CLOCK: variants seen among roughly 807,000 people sequenced by gnomAD.
CLOCK encodes clock circadian regulator.
CLOCK carries 43 observed loss-of-function variants against 118.4 expected under a neutral mutation model. The observed-to-expected ratio is 0.36, with a 90% CI of 0.28 to 0.47. CLOCK has a LOEUF of 0.47. Ranked by LOEUF, CLOCK falls within the 20% of genes least tolerant of loss-of-function variation. The probability of loss-of-function intolerance (pLI) is 1.00; values close to 1 mark genes in which losing one functional copy is unlikely to be tolerated. For missense variants in CLOCK, 846 were observed against 999.9 expected (o/e 0.85, Z 2.08); for synonymous variants, 326 against 339.2 (o/e 0.96, Z 0.43).
At chr4:55,541,049 CTTAAAA>C (rs1244701068) in intron 1 of CLOCK, among the ~76,000 whole-genome samples, 2 of 152,132 alleles carry the variant, frequency 1.3e-5, no homozygotes, top group Non-Finnish European at 2.9e-5. Context: ...ACTTCTAAGA[CTTAAAA>C]TTAACAGAAT....
intron 2 of CLOCK, among the ~76,000 whole-genome samples, chr4:55,494,782 A>C (rs1446779463): frequency 6.6e-6 from 1 of 152,206 alleles, no homozygotes; most frequent in Non-Finnish European, 1.5e-5. Context: ...CCACAAGCCA[A>C]GGAATTCAGG....
intron 18 of CLOCK, 95 bp from the exon 19 acceptor site, chr4:55,444,880 G>T: frequency 7.8e-7 from 1 of 1,283,020 alleles, no homozygotes; most frequent in Non-Finnish European, 1.1e-6. Context: ...TAACATGAGT[G>T]AAGGATGATA....
intron 22 of CLOCK, among the ~76,000 whole-genome samples, chr4:55,436,476 CAGAA>C (rs1722884479): frequency 1.3e-5 from 2 of 152,264 alleles, no homozygotes; most frequent in African/African-American, 2.4e-5. Context: ...AAAATGTTAA[CAGAA>C]AGAAAGTGAA....
chr4:55,462,740 C>G (rs1390184902), intron 9 of CLOCK, among the ~76,000 whole-genome samples: 1 of 152,122 alleles, frequency 6.6e-6, no homozygotes, highest in East Asian at 1.9e-4. Context: ...GTCATATGAA[C>G]TTGGTTTTAA....
rs1009063323 is a variant in CLOCK, at chr4:55,432,372, C to T, written c.*3043G>A. 2 of 151,824 alleles carry T rather than the reference C, an allele frequency of 1.3e-5. No homozygotes were observed. Among genetic ancestry groups the T allele is most frequent in the East Asian group, 3.9e-4 (2 of 5,156 alleles). 9.4% of individuals were successfully genotyped at this position (151,824 alleles called of 1,614,324 possible). A position where few individuals can be genotyped will look rare whatever the true frequency, so the allele number is the denominator to read the frequency against. ...CTGCAAGTCCAAAGCACGGTAACTG[C>T]AGAGTAGCTAGCATTTTTCCTGAAA... is the stretch of plus-strand genomic sequence containing the variant. On this transcript the variant is annotated 3_prime_UTR_variant, in exon 23 of 23. Transcript: ENST00000513440.
chr4:55,479,676 C>T lies in CLOCK; in HGVS notation c.71G>A (p.Gly24Glu). Residue 24 changes from glycine (G) to glutamate (E), a missense_variant, in exon 5 of 23, where the codon GGG becomes GAG. Gly to Glu is a moderately conservative substitution (Grantham distance 98). Coordinates refer to ENST00000513440, the MANE Select transcript of CLOCK (RefSeq NM_004898.4). Reference protein sequence around the residue: ...VDRDDSSIFDGLVEEDDKDKA... With the variant: ...VDRDDSSIFDELVEEDDKDKA... Reference sequence around the variant, plus strand: ...GTCCTTGTCATCTTCTTCCACCAACCCATCAAAAATACTACTGTCATCTCT... The same window carrying T: ...GTCCTTGTCATCTTCTTCCACCAACTCATCAAAAATACTACTGTCATCTCT... 2 of 1,612,752 alleles carry T rather than the reference C, an allele frequency of 1.2e-6. No homozygotes were observed. Among genetic ancestry groups the T allele is most frequent in the East Asian group, 2.2e-5 (1 of 44,680 alleles).
intron 1 of CLOCK, among the ~76,000 whole-genome samples, chr4:55,541,950 CAAA>C (rs55793804): frequency 2.2e-5 from 3 of 136,984 alleles, no homozygotes; most frequent in Admixed American, 7.2e-5. Context: ...CTCCCCCCAC[CAAA>C]AAAAAAAAAA....
In CLOCK at chr4:55,432,323, C is replaced by T. The variant is rs868562606; in HGVS notation, c.*3092G>A. 2.1e-4 allele frequency: 32 copies of T among 152,022 alleles called. No individual in the cohort carries two copies. Among genetic ancestry groups the T allele is most frequent in the African/African-American group, 7.7e-4 (32 of 41,386 alleles). The allele number at this position is 152,022 out of a possible 1,614,324, so 9.4% of individuals were successfully genotyped here. Reference sequence around the variant, plus strand: ...TCTCACTTGCATTTGTTAAACAATACTGACTCTCCCAAAACTATGATAACT... The same window carrying T: ...TCTCACTTGCATTTGTTAAACAATATTGACTCTCCCAAAACTATGATAACT... On this transcript the variant is annotated 3_prime_UTR_variant, in exon 23 of 23. Coordinates refer to ENST00000513440, the MANE Select transcript of CLOCK (RefSeq NM_004898.4).
intron 1 of CLOCK, among the ~76,000 whole-genome samples, chr4:55,516,758 C>A (rs1729540813): frequency 6.6e-6 from 1 of 152,110 alleles, no homozygotes; most frequent in African/African-American, 2.4e-5. Context: ...TTCTTTATTC[C>A]TATTTTAGTC....
At chr4:55,522,781 G>A (rs964978420) in intron 1 of CLOCK, among the ~76,000 whole-genome samples, 1 of 151,958 alleles carries the variant, frequency 6.6e-6, no homozygotes, top group African/African-American at 2.4e-5. Flanking sequence ...ATACAAACAT[G>A]CACATGTACA....
chr4:55,453,233 A>G (rs959923668), intron 14 of CLOCK, 104 bp from the exon 15 acceptor site: 1 of 948,386 alleles, frequency 1.1e-6, no homozygotes, highest in Admixed American at 1.8e-5. Context: ...CTGTTCATCT[A>G]GACTATTTGC....
intron 21 of CLOCK, chr4:55,442,135 C>G (rs968581644): frequency 3.2e-6 from 1 of 311,788 alleles, no homozygotes; most frequent in Non-Finnish European, 6.0e-6. Context: ...AAGACAAAAG[C>G]TTCACAGTGA....
intron 1 of CLOCK, among the ~76,000 whole-genome samples, chr4:55,535,574 G>A (rs116492684): frequency 0.027 from 4,118 of 152,060 alleles, 195 homozygotes; most frequent in African/African-American, 0.094. Flanking sequence ...ATAATAATAG[G>A]AAATTGTCTG....
At position 55,442,452 on chromosome 4, in the gene CLOCK, G is replaced by T; in HGVS notation, c.2085C>A (p.Phe695Leu). Residue 695 changes from phenylalanine to leucine, a missense_variant, in exon 21 of 23, where the codon TTC becomes TTA. Phe to Leu is a conservative substitution (Grantham distance 22). This residue lies in a region of CLOCK where 520 missense variants were observed against 558.0 expected (regional missense o/e 0.93). Transcript: ENST00000513440. ...NSTQSAAVTT[F>L]TQDRQIRFSQ... Reference sequence around the variant, plus strand: ...ACTACCTTATCTGCCTGTCCTGAGTGAATGTAGTTACTGCAGCACTCTGGG... The same window carrying T: ...ACTACCTTATCTGCCTGTCCTGAGTTAATGTAGTTACTGCAGCACTCTGGG... 1 of 1,609,282 alleles carries T rather than the reference G, an allele frequency of 6.2e-7. No homozygotes were observed. The highest frequency in any genetic ancestry group is 8.5e-7 in the Non-Finnish European group (1 of 1,178,906).
At chr4:55,544,153 G>A (rs1731458546) in intron 1 of CLOCK, among the ~76,000 whole-genome samples, 1 of 118,402 alleles carries the variant, frequency 8.4e-6, no homozygotes, top group Non-Finnish European at 1.7e-5. Flanking sequence ...ACACTTTCAT[G>A]AGAAACAACC....
intron 3 of CLOCK, among the ~76,000 whole-genome samples, chr4:55,483,122 A>G (rs571013565): frequency 1.3e-5 from 2 of 152,338 alleles, no homozygotes; most frequent in East Asian, 1.9e-4. Context: ...ATTTGACTAT[A>G]TAACTACAAA....
intron 12 of CLOCK, 67 bp downstream of exon 12, chr4:55,456,151 A>G: frequency 1.4e-6 from 2 of 1,385,030 alleles, no homozygotes; most frequent in Non-Finnish European, 2.0e-6. Flanking sequence ...TTTGCCCTTG[A>G]TCCATTAATT....
intron 11 of CLOCK, among the ~76,000 whole-genome samples, chr4:55,458,036 T>A (rs937067343): frequency 2.0e-5 from 3 of 152,188 alleles, no homozygotes; most frequent in Non-Finnish European, 4.4e-5. Context: ...GCTTAAGATC[T>A]TCTATTAATT....
At position 55,431,013 on chromosome 4, in the gene CLOCK, A is replaced by G. The variant is rs1490248757; in HGVS notation, c.*4402T>C. On this transcript the variant is annotated 3_prime_UTR_variant, in exon 23 of 23. Transcript: ENST00000513440. ...ATTTCTCAGAAATGTGTCATTTTAT[A>G]TAATTTCACCTAAGTAAGTGATGAT... 1.3e-5 allele frequency: 2 copies of G among 152,212 alleles called. No individual in the cohort carries two copies. Among genetic ancestry groups the G allele is most frequent in the Admixed American group, 1.3e-4 (2 of 15,278 alleles). 9.4% of individuals were successfully genotyped at this position (152,212 alleles called of 1,614,324 possible).
Sources: gnomAD v4.1 joint callset for allele counts (sites outside exome capture counted in the v4.1 genomes callset) on GRCh38, gnomAD v4.1.1 for gene constraint, gnomAD v4.1.1 regional missense constraint, MANE v1.5 for transcripts, NCBI Gene and HGNC (gene_info 2026-07-23, HGNC 2026-07-21) for gene names.